Variants in SETBP1 observed in about 807,000 individuals in gnomAD.
SETBP1 encodes SET-binding protein.
Under a neutral mutation model 101.0 loss-of-function variants are expected in SETBP1, and 9 were observed. The ratio of observed to expected loss-of-function variants is 0.09; its 90% CI spans 0.05 to 0.16. The LOEUF is 0.16. Among genes scored for constraint, SETBP1 ranks in the 10% least tolerant of loss-of-function variants. SETBP1 has a pLI of 1.00. For synonymous variants in SETBP1, 818 were observed against 788.5 expected, an observed-to-expected ratio of 1.04 and a Z score of -0.63; for missense variants, 1,858 against 2,033.8, an observed-to-expected ratio of 0.91 and a Z score of 1.66.
intron 3 of SETBP1, among the ~76,000 whole-genome samples, chr18:44,922,104 A>G (rs2070595283): frequency 6.6e-6 from 1 of 152,242 alleles, no homozygotes; most frequent in South Asian, 2.1e-4. Flanking sequence ...TTTGCATGTA[A>G]AAATAAAATA....
At chr18:45,054,660 C>G (rs1023541762) in intron 5 of SETBP1, among the ~76,000 whole-genome samples, 1 of 152,078 alleles carries the variant, frequency 6.6e-6, no homozygotes, top group South Asian at 2.1e-4. Flanking sequence ...TCTGTTTTGC[C>G]CAGTTTTTTC....
intron 1 of SETBP1, among the ~76,000 whole-genome samples, chr18:44,698,142 C>G (rs74796490): frequency 0.012 from 1,814 of 152,258 alleles, 34 homozygotes; most frequent in African/African-American, 0.041. Flanking sequence ...AACTGCATTA[C>G]TGTTTTACCT....
At chr18:44,919,700 T>A (rs2070533242) in intron 3 of SETBP1, among the ~76,000 whole-genome samples, 1 of 151,584 alleles carries the variant, frequency 6.6e-6, no homozygotes, top group South Asian at 2.1e-4. Flanking sequence ...TTTTCCTTAA[T>A]AATCTGTGCC....
chr18:44,824,627 A>T (rs2072193975), intron 2 of SETBP1, among the ~76,000 whole-genome samples: 1 of 152,172 alleles, frequency 6.6e-6, no homozygotes, highest in Admixed American at 6.5e-5. Flanking sequence ...ATTTTAAAAG[A>T]CCCATTAATA....
intron 2 of SETBP1, among the ~76,000 whole-genome samples, chr18:44,866,744 C>T (rs538281937): frequency 4.6e-5 from 7 of 152,170 alleles, no homozygotes; most frequent in African/African-American, 9.7e-5. Flanking sequence ...TTTTATTTTC[C>T]GTCCTTTCCA....
intron 2 of SETBP1, among the ~76,000 whole-genome samples, chr18:44,716,037 C>A (rs1035929507): frequency 6.6e-6 from 1 of 152,132 alleles, no homozygotes; most frequent in African/African-American, 2.4e-5. Flanking sequence ...TCTCCTGGAG[C>A]CCAGGAAAAA....
chr18:44,899,721 A>T (rs1273415227), intron 3 of SETBP1, among the ~76,000 whole-genome samples: 2 of 152,172 alleles, frequency 1.3e-5, no homozygotes, highest in Non-Finnish European at 2.9e-5. Context: ...GCTGGTCCTG[A>T]CTCAGATTCT....
intron 4 of SETBP1, among the ~76,000 whole-genome samples, chr18:44,993,482 A>G (rs1395381332): frequency 6.6e-6 from 1 of 152,088 alleles, no homozygotes; most frequent in Non-Finnish European, 1.5e-5. Context: ...AATCCTTTTG[A>G]TATATTTTTC....
At chr18:44,857,615 G>A (rs190326104) in intron 2 of SETBP1, among the ~76,000 whole-genome samples, 1 of 152,218 alleles carries the variant, frequency 6.6e-6, no homozygotes, top group East Asian at 1.9e-4. Context: ...GACTAACTTC[G>A]CAGCTACTTC....
chr18:44,768,176 G>A (rs2144620850), intron 2 of SETBP1, among the ~76,000 whole-genome samples: 1 of 152,238 alleles, frequency 6.6e-6, no homozygotes, highest in East Asian at 1.9e-4. Flanking sequence ...GATTTGGGAG[G>A]TTTTGATGCT....
At chr18:44,948,686 C>T (rs2071269225) in intron 3 of SETBP1, among the ~76,000 whole-genome samples, 2 of 152,134 alleles carry the variant, frequency 1.3e-5, no homozygotes, top group Non-Finnish European at 1.5e-5. Flanking sequence ...ATAAATTGGG[C>T]TTATAATAAA....
rs567914652 is a variant in SETBP1 at position 44,976,209 on chromosome 18, G to A, written c.4000+22869G>A. Among the ~76,000 whole-genome samples, 3 of 152,206 alleles carry A rather than the reference G, an allele frequency of 2.0e-5. No homozygotes were observed. The East Asian group carries it at 5.8e-4, about 29-fold the overall frequency. ...CCCAGGAAATGTGCTGGAGCAGGAA[G>A]CAGGCGGCAGGTGCTGAGGAACAGC... On this transcript the variant is annotated intron_variant, in intron 4 of 5. Coordinates refer to ENST00000649279, the MANE Select transcript of SETBP1 (RefSeq NM_015559.3).
intron 3 of SETBP1, among the ~76,000 whole-genome samples, chr18:44,892,268 GT>G (rs1374964112): frequency 6.6e-6 from 1 of 152,156 alleles, no homozygotes; most frequent in Non-Finnish European, 1.5e-5. Context: ...AGGCCTAGCT[GT>G]TTCGTTGGTG....
At position 44,910,732 on chromosome 18, in the gene SETBP1, G is replaced by A. The variant is rs554896278; in HGVS notation, c.541-39149G>A. 2.0e-4 allele frequency among the ~76,000 whole-genome samples: 30 copies of A among 152,212 alleles called. No homozygotes were observed. In the South Asian group the frequency reaches 5.2e-3, roughly 26 times the overall value. On this transcript the variant is annotated intron_variant, in intron 3 of 5. Coordinates refer to ENST00000649279, the MANE Select transcript of SETBP1 (RefSeq NM_015559.3). The stretch of plus-strand genomic sequence containing the variant: ...ATCTATTTTACTTTGTTTTGTAAGC[G>A]TACATAAGAACTCCTGATTTCATTT...
chr18:44,997,574 G>T (rs890163582), intron 4 of SETBP1, among the ~76,000 whole-genome samples: 4 of 152,146 alleles, frequency 2.6e-5, no homozygotes, highest in African/African-American at 9.7e-5. Flanking sequence ...TTAGACTAAT[G>T]ATTTGATCTC....
chr18:44,751,769 C>G (rs565430051), intron 2 of SETBP1, among the ~76,000 whole-genome samples: 1 of 152,298 alleles, frequency 6.6e-6, no homozygotes, highest in African/African-American at 2.4e-5. Flanking sequence ...TCTCAGGCTG[C>G]TATAACAATA....
chr18:44,935,902 T>C (rs1334274525), intron 3 of SETBP1, among the ~76,000 whole-genome samples: 8 of 152,222 alleles, frequency 5.3e-5, no homozygotes, highest in African/African-American at 1.9e-4. Context: ...ACGTGAATGT[T>C]CCACCACACT....
chr18:44,859,247 G>A (rs2073031089), intron 2 of SETBP1, among the ~76,000 whole-genome samples: 2 of 152,184 alleles, frequency 1.3e-5, no homozygotes, highest in Admixed American at 1.3e-4. Context: ...TTGAAGGGGA[G>A]ATCAAGATGG....
Position 44,951,420 on chromosome 18 carries a change from G to T in SETBP1, c.2080G>T (p.Ala694Ser), listed in dbSNP as rs2145102683. The change falls in exon 4 of 6, where the codon GCT (alanine) becomes TCT (serine). Residue 694 changes from alanine to serine, a missense_variant. Physicochemically the swap from Ala to Ser is moderately conservative, Grantham distance 99. Transcript: ENST00000649279. This position sits in a 1 kb window ranked among gnomAD's most constrained non-coding sequence, Gnocchi z 7.8. ...CAGCAGCGTTGCTCTGAAGGCAAAA[G>T]CTCCCCCAGAGACCAGCCCTGGGGC... ...CSSSVALKAK[A>S]PPETSPGAAA... The T allele has an allele frequency of 6.2e-7, 1 of 1,614,092 alleles. No individual in the cohort carries two copies. Among genetic ancestry groups the T allele is most frequent in the Non-Finnish European group, 8.5e-7 (1 of 1,180,020 alleles).
Sources: allele counts gnomAD v4.1 joint callset (sites outside exome capture counted in the v4.1 genomes callset), GRCh38; gene constraint gnomAD v4.1.1; non-coding constraint Gnocchi (gnomAD v3.1); transcripts MANE v1.5; gene names NCBI Gene and HGNC (gene_info 2026-07-23, HGNC 2026-07-21).